GRIA4: variants seen among roughly 807,000 people sequenced by gnomAD.
GRIA4 encodes the protein glutamate receptor 4.
In GRIA4, 34 loss-of-function variants were observed where a neutral mutation model predicts 104.0. The ratio of observed to expected loss-of-function variants is 0.33; its 90% confidence interval spans 0.25 to 0.44. GRIA4 has a LOEUF of 0.44. Among genes scored for constraint, GRIA4 ranks in the 20% least tolerant of loss-of-function variants. The pLI is 1.00. For synonymous variants in GRIA4, 386 were observed against 381.9 expected, an observed-to-expected ratio of 1.01 and a Z score of -0.13; for missense variants, 750 against 1,096.5, an observed-to-expected ratio of 0.68 and a Z score of 4.46.
intron 4 of GRIA4, among the ~76,000 whole-genome samples, chr11:105,789,351 GA>G (rs985082409): frequency 3.9e-5 from 6 of 152,116 alleles, no homozygotes; most frequent in Non-Finnish European, 7.4e-5. Flanking sequence ...TTAGATCTCA[GA>G]CTGCTGAGAA....
chr11:105,686,246 C>T (rs1952878685), intron 3 of GRIA4, among the ~76,000 whole-genome samples: 1 of 152,060 alleles, frequency 6.6e-6, no homozygotes, highest in South Asian at 2.1e-4. Flanking sequence ...TCTAGTAGTC[C>T]TCAGTGTTTA....
intron 9 of GRIA4, among the ~76,000 whole-genome samples, chr11:105,908,613 C>T: frequency 7.6e-6 from 1 of 130,892 alleles, no homozygotes; most frequent in East Asian, 2.3e-4. Flanking sequence ...AGGTATAAGG[C>T]CAAAAAAAAA....
chr11:105,766,540 G>A (rs997463660), intron 4 of GRIA4, among the ~76,000 whole-genome samples: 9 of 152,116 alleles, frequency 5.9e-5, no homozygotes, highest in African/African-American at 1.9e-4. Context: ...TTTAGAATGA[G>A]TTTAGACTTA....
At chr11:105,764,935 C>A (rs1179699912) in intron 4 of GRIA4, among the ~76,000 whole-genome samples, 2 of 151,864 alleles carry the variant, frequency 1.3e-5, no homozygotes, top group Non-Finnish European at 2.9e-5. Context: ...TCCAAGAGAC[C>A]AATTAAAGAC....
chr11:105,918,476 T>A (rs374732144), intron 10 of GRIA4, among the ~76,000 whole-genome samples: 1 of 152,162 alleles, frequency 6.6e-6, no homozygotes, highest in Non-Finnish European at 1.5e-5. Context: ...TTTTTAATAC[T>A]TTCTCAAATG....
At chr11:105,736,952 C>T (rs1938993916) in intron 3 of GRIA4, among the ~76,000 whole-genome samples, 1 of 151,992 alleles carries the variant, frequency 6.6e-6, no homozygotes, top group Admixed American at 6.6e-5. Flanking sequence ...AACACACACG[C>T]AGAAGCAGTA....
At chr11:105,730,151 C>T (rs566743521) in intron 3 of GRIA4, among the ~76,000 whole-genome samples, 41 of 152,288 alleles carry the variant, frequency 2.7e-4, no homozygotes, top group Non-Finnish European at 4.0e-4. Flanking sequence ...AGCCCAAAAT[C>T]TCCTTAAGCT....
intron 14 of GRIA4, among the ~76,000 whole-genome samples, chr11:105,964,785 T>A (rs1047739781): frequency 4.8e-4 from 71 of 147,024 alleles, no homozygotes; most frequent in Admixed American, 7.4e-4. Context: ...CCATGACATG[T>A]TTTTTTTTGT....
At chr11:105,874,196 T>C (rs576999951) in intron 5 of GRIA4, among the ~76,000 whole-genome samples, 85 of 152,326 alleles carry the variant, frequency 5.6e-4, no homozygotes, top group African/African-American at 2.0e-3. Flanking sequence ...TTGCTTGTTT[T>C]TGTAAGGTTT....
In GRIA4 at chr11:105,979,938, T is replaced by C. The variant is rs1272307710; in HGVS notation, c.*199T>C. On this transcript the variant is annotated 3_prime_UTR_variant, in exon 17 of 17. Coordinates refer to ENST00000282499, the MANE Select transcript of GRIA4 (RefSeq NM_000829.4). ...AGCTCGGAAACCCAAACTCAGATTTTATATCAGGAAAACTCACAATTGAGG... is the reference window on the plus strand; with the variant it reads ...AGCTCGGAAACCCAAACTCAGATTTCATATCAGGAAAACTCACAATTGAGG... 1 of 475,756 alleles carries C rather than the reference T, an allele frequency of 2.1e-6. No homozygotes were observed. Among genetic ancestry groups the C allele is most frequent in the Non-Finnish European group, 3.8e-6 (1 of 264,274 alleles). The allele number at this position is 475,756 out of a possible 1,614,324, so 29.5% of individuals were successfully genotyped here.
chr11:105,912,432 T>A, intron 10 of GRIA4: 1 of 959,302 alleles, frequency 1.0e-6, no homozygotes, highest in Non-Finnish European at 1.2e-6. Context: ...ACCAAAATAC[T>A]GAATTAATTT....
At chr11:105,707,946 C>G (rs1046994372) in intron 3 of GRIA4, 1 of 152,076 alleles carries the variant, frequency 6.6e-6, no homozygotes, top group African/African-American at 2.4e-5. Flanking sequence ...AACCCTTAGA[C>G]TGTTGGTTTG....
At chr11:105,898,214 G>C in intron 6 of GRIA4, 55 bp from the exon 7 acceptor site, 1 of 831,946 alleles carries the variant, frequency 1.2e-6, no homozygotes, top group East Asian at 2.5e-5. Context: ...TACTATTGAA[G>C]AGCTGCCATG....
chr11:105,812,613 G>A (rs1271787928), intron 4 of GRIA4, among the ~76,000 whole-genome samples: 1 of 152,018 alleles, frequency 6.6e-6, no homozygotes, highest in East Asian at 1.9e-4. Flanking sequence ...AAGCAGGATG[G>A]GAACACAATG....
At chr11:105,818,331 T>C (rs1045297632) in intron 4 of GRIA4, among the ~76,000 whole-genome samples, 1 of 152,122 alleles carries the variant, frequency 6.6e-6, no homozygotes, top group Non-Finnish European at 1.5e-5. Flanking sequence ...AAGAGATGAA[T>C]GCTACCTCAC....
intron 3 of GRIA4, among the ~76,000 whole-genome samples, chr11:105,617,416 C>T (rs990284650): frequency 2.0e-5 from 3 of 151,760 alleles, no homozygotes; most frequent in African/African-American, 4.8e-5. Flanking sequence ...TAGTAATAGA[C>T]TACAAAGCCA....
chr11:105,797,952 C>A, intron 4 of GRIA4: 1 of 382,504 alleles, frequency 2.6e-6, no homozygotes, highest in Non-Finnish European at 5.3e-6. Flanking sequence ...TGAATTCTGC[C>A]TCATCTATGT....
At chr11:105,864,110 G>A (rs1166849479) in intron 5 of GRIA4, among the ~76,000 whole-genome samples, 1 of 152,050 alleles carries the variant, frequency 6.6e-6, no homozygotes, top group Non-Finnish European at 1.5e-5. Context: ...ATGCCTCTCA[G>A]GTATAAATCT....
chr11:105,702,423 A>G lies in GRIA4; in HGVS notation c.248-50558A>G, dbSNP rs201515499. Among the ~76,000 whole-genome samples, 6 of 152,170 alleles carry G rather than the reference A, an allele frequency of 3.9e-5. No individual in the cohort carries two copies. In the East Asian group the frequency reaches 7.7e-4, roughly 20 times the overall value. ...TTTAAACACACACATATACATATCT[A>G]TATAATTAGAAAACCAAATAAAATA... On this transcript the variant is annotated intron_variant, in intron 3 of 16. Coordinates refer to ENST00000282499, the MANE Select transcript of GRIA4 (RefSeq NM_000829.4).
Sources: gnomAD v4.1 joint callset for allele counts (sites outside exome capture counted in the v4.1 genomes callset) on GRCh38, gnomAD v4.1.1 for gene constraint, MANE v1.5 for transcripts, NCBI Gene and HGNC (gene_info 2026-07-23, HGNC 2026-07-21) for gene names.